NCKAP1: variants seen among roughly 807,000 people sequenced by gnomAD.
NCKAP1 encodes the protein nck-associated protein 1.
In NCKAP1, 21 loss-of-function variants were observed where a neutral mutation model predicts 151.2. That is an observed-to-expected ratio of 0.14 (90% confidence interval 0.10 to 0.20). NCKAP1 has a LOEUF of 0.20. Among genes scored for constraint, NCKAP1 ranks in the 10% least tolerant of loss-of-function variants. The pLI is 1.00. For synonymous variants in NCKAP1, 484 were observed against 451.8 expected, an observed-to-expected ratio of 1.07 and a Z score of -0.90; for missense variants, 933 against 1,352.1, an observed-to-expected ratio of 0.69 and a Z score of 4.86.
At chr2:182,944,771 T>C (rs1697066170) in intron 23 of NCKAP1, among the ~76,000 whole-genome samples, 1 of 152,220 alleles carries the variant, frequency 6.6e-6, no homozygotes, top group Non-Finnish European at 1.5e-5. Context: ...ACTTAGTTTA[T>C]ATCAGTTTAG....
intron 27 of NCKAP1, 95 bp downstream of exon 27, chr2:182,930,600 C>G (rs929383267): frequency 3.3e-6 from 3 of 905,082 alleles, no homozygotes; most frequent in Non-Finnish European, 5.2e-6. Flanking sequence ...GAACACAAAG[C>G]AGGCATTTGA....
chr2:183,002,880 G>T, intron 4 of NCKAP1, 94 bp downstream of exon 4: 1 of 808,820 alleles, frequency 1.2e-6, no homozygotes, highest in Non-Finnish European at 2.0e-6. Context: ...AACTTTATAT[G>T]CTAGTTACAT....
intron 2 of NCKAP1, among the ~76,000 whole-genome samples, chr2:183,020,247 G>C (rs1238882302): frequency 6.6e-6 from 1 of 151,958 alleles, no homozygotes; most frequent in Admixed American, 6.6e-5. Flanking sequence ...AGGATCACTT[G>C]AGCCCAGAAG....
chr2:182,969,936 G>C (rs1697652233), intron 15 of NCKAP1, among the ~76,000 whole-genome samples: 1 of 151,804 alleles, frequency 6.6e-6, no homozygotes, highest in African/African-American at 2.4e-5. Flanking sequence ...ATCAGAAATA[G>C]AAAAGGAGAC....
Position 182,953,338 on chromosome 2 carries a change from A to G in NCKAP1, c.2154-7T>C, listed in dbSNP as rs1559079864. 1.3e-6 allele frequency: 2 copies of G among 1,578,952 alleles called. No homozygotes were observed. Among genetic ancestry groups the G allele is most frequent in the Middle Eastern group, 1.7e-4 (1 of 5,924 alleles). On this transcript the variant is annotated splice_region_variant and splice_polypyrimidine_tract_variant and intron_variant, in intron 20 of 30. Coordinates refer to ENST00000361354, the MANE Select transcript of NCKAP1 (RefSeq NM_013436.5). ...AGTCATCCCAACAATTGACCTGGGA[A>G]GAAGGGATAGAAGAATAAGAAAAGC...
chr2:182,963,727 G>T (rs959842260), intron 17 of NCKAP1, among the ~76,000 whole-genome samples: 1 of 152,076 alleles, frequency 6.6e-6, no homozygotes, highest in Non-Finnish European at 1.5e-5. Context: ...AAATTTGATG[G>T]TGAGCAAACA....
At chr2:182,970,556 C>T (rs576341264) in intron 15 of NCKAP1, among the ~76,000 whole-genome samples, 195 of 152,134 alleles carry the variant, frequency 1.3e-3, no homozygotes, top group Non-Finnish European at 2.5e-3. Context: ...GGGAAGAAAA[C>T]ATAGCTCTTA....
intron 16 of NCKAP1, among the ~76,000 whole-genome samples, chr2:182,965,875 C>T (rs907888999): frequency 2.6e-5 from 4 of 152,124 alleles, no homozygotes; most frequent in Admixed American, 1.3e-4. Flanking sequence ...TCCACATAAT[C>T]TTAAAAATTC....
At chr2:182,985,670 G>T (rs942881732) in intron 10 of NCKAP1, among the ~76,000 whole-genome samples, 1 of 151,876 alleles carries the variant, frequency 6.6e-6, no homozygotes, top group Non-Finnish European at 1.5e-5. Flanking sequence ...GGAATGTACG[G>T]CGGGTGCCTG....
intron 23 of NCKAP1, among the ~76,000 whole-genome samples, chr2:182,942,711 C>G (rs1170534292): frequency 6.6e-6 from 1 of 151,500 alleles, no homozygotes; most frequent in Admixed American, 6.6e-5. Flanking sequence ...CTTTCACAGA[C>G]CACTGAGAAA....
At chr2:182,996,023 G>A (rs1204501558) in intron 6 of NCKAP1, among the ~76,000 whole-genome samples, 185 bp from the exon 7 acceptor site, 2 of 152,050 alleles carry the variant, frequency 1.3e-5, no homozygotes, top group African/African-American at 4.8e-5. Context: ...TTTTGCTAAC[G>A]TTATAAAAGC....
At position 182,928,142 on chromosome 2, in the gene NCKAP1, T is replaced by C; in HGVS notation, c.3155A>G (p.Glu1052Gly). ...ALFTIHKGSI[E>G]DRLKEFLALA... is the part of the protein sequence containing the mutation. ...CGCCAGAAATTCTTTAAGACGGTCT[T>C]CAATGCTTCCTTTGTGAATTGTAAA... The change falls in exon 29 of 31, where the codon GAA becomes GGA. Residue 1052 changes from glutamate to glycine, a missense_variant. Physicochemically the swap from Glu to Gly is moderately conservative, Grantham distance 98. Coordinates refer to ENST00000361354, the MANE Select transcript of NCKAP1 (RefSeq NM_013436.5). The C allele has an allele frequency of 6.2e-7, 1 of 1,610,700 alleles. No homozygotes were observed. The highest frequency in any genetic ancestry group is 8.5e-7 in the Non-Finnish European group (1 of 1,177,394).
Position 182,991,602 on chromosome 2 carries a change from G to A in NCKAP1, c.791-2416C>T, listed in dbSNP as rs186570483. ...AAAATAGATTGCCCAAGATTAGGGGGATGACTTATTAATTAAACTACACAT... is the reference window on the plus strand; with the variant it reads ...AAAATAGATTGCCCAAGATTAGGGGAATGACTTATTAATTAAACTACACAT... On this transcript the variant is annotated intron_variant, in intron 8 of 30. Coordinates refer to ENST00000361354, the MANE Select transcript of NCKAP1 (RefSeq NM_013436.5). Among the ~76,000 whole-genome samples, 6 of 151,576 alleles carry A rather than the reference G, an allele frequency of 4.0e-5. No individual in the cohort carries two copies. The East Asian group carries it at 1.2e-3, about 30-fold the overall frequency.
rs1270789712 is a variant in NCKAP1, at chr2:182,915,320, C to G, written c.*10382G>C. On this transcript the variant is annotated 3_prime_UTR_variant, in exon 31 of 31. Coordinates refer to ENST00000361354, the MANE Select transcript of NCKAP1 (RefSeq NM_013436.5). Reference sequence around the variant, plus strand: ...TTCAAAAACGTTGTATGGTTCACAGCTGAAGAGAGAATAGTTGAGAGTTGA... The same window carrying G: ...TTCAAAAACGTTGTATGGTTCACAGGTGAAGAGAGAATAGTTGAGAGTTGA... 6.6e-6 allele frequency: 1 copy of G among 152,040 alleles called. No homozygotes were observed. The highest frequency in any genetic ancestry group is 2.4e-5 in the African/African-American group (1 of 41,428). 9.4% of individuals were successfully genotyped at this position (152,040 alleles called of 1,614,324 possible). A position where few individuals can be genotyped will look rare whatever the true frequency, so the allele number is the denominator to read the frequency against.
intron 16 of NCKAP1, among the ~76,000 whole-genome samples, chr2:182,965,961 GC>G (rs1452849308): frequency 6.6e-6 from 1 of 152,066 alleles, no homozygotes; most frequent in Non-Finnish European, 1.5e-5. Context: ...CCTTTAAGAG[GC>G]ATGGTTTCTC....
At chr2:182,958,650 T>C (rs1304049482) in intron 18 of NCKAP1, among the ~76,000 whole-genome samples, 5 of 152,138 alleles carry the variant, frequency 3.3e-5, no homozygotes, top group Non-Finnish European at 7.4e-5. Flanking sequence ...CTTAGATGTG[T>C]GAGAGAAGCA....
At chr2:183,034,558 A>C (rs955883563) in intron 1 of NCKAP1, among the ~76,000 whole-genome samples, 2 of 152,154 alleles carry the variant, frequency 1.3e-5, no homozygotes, top group African/African-American at 4.8e-5. Context: ...ACACACAAAA[A>C]TTTAACTGAG....
intron 2 of NCKAP1, among the ~76,000 whole-genome samples, chr2:183,009,853 C>T (rs1698559168): frequency 6.6e-6 from 1 of 152,284 alleles, no homozygotes; most frequent in African/African-American, 2.4e-5. Context: ...TGAAACACTT[C>T]TTCAATACAC....
At chr2:183,033,009 A>G (rs896207869) in intron 1 of NCKAP1, among the ~76,000 whole-genome samples, 7 of 152,224 alleles carry the variant, frequency 4.6e-5, no homozygotes, top group Admixed American at 6.5e-5. Context: ...AGATCGTGCC[A>G]TTGTACTCCA....
Sources: gnomAD v4.1 joint callset for allele counts (sites outside exome capture counted in the v4.1 genomes callset) on GRCh38, gnomAD v4.1.1 for gene constraint, MANE v1.5 for transcripts, NCBI Gene and HGNC (gene_info 2026-07-23, HGNC 2026-07-21) for gene names.